MSRA: variants seen among roughly 807,000 people sequenced by gnomAD.
MSRA encodes the protein methionine sulfoxide reductase A, also known as mitochondrial peptide methionine sulfoxide reductase.
In MSRA, 54 loss-of-function variants were observed where a neutral mutation model predicts 31.3. That is an observed-to-expected ratio of 1.73 (90% CI 1.39 to 2.17). MSRA has a LOEUF of 2.17. Among genes scored for constraint, MSRA ranks in the 30% most tolerant of loss-of-function variants. The pLI, the probability that MSRA is intolerant of heterozygous loss-of-function variation, is 0.00. For missense variants in MSRA, 507 were observed against 300.9 expected, an observed-to-expected ratio of 1.69 and a Z score of -5.07; for synonymous variants, 169 against 116.5, an observed-to-expected ratio of 1.45 and a Z score of -2.90.
intron 5 of MSRA, chr8:10,353,498 C>T (rs570157707): frequency 1.7e-5 from 6 of 361,566 alleles, no homozygotes; most frequent in East Asian, 8.5e-5. Flanking sequence ...CCCGGAGGCC[C>T]GTGTATCTGT....
intron 1 of MSRA, among the ~76,000 whole-genome samples, chr8:10,138,996 C>A (rs936935725): frequency 6.6e-6 from 1 of 152,190 alleles, no homozygotes; most frequent in Non-Finnish European, 1.5e-5. Context: ...GAGTAGACCT[C>A]TGTGTTGGGT....
chr8:10,321,254 G>A (rs917073395), intron 5 of MSRA, among the ~76,000 whole-genome samples: 1 of 152,100 alleles, frequency 6.6e-6, no homozygotes, highest in African/African-American at 2.4e-5. Flanking sequence ...ATTTGCATTT[G>A]ACAGTAGAGC....
At chr8:10,360,396 T>C (rs1190157665) in intron 5 of MSRA, among the ~76,000 whole-genome samples, 1 of 152,222 alleles carries the variant, frequency 6.6e-6, no homozygotes, top group Non-Finnish European at 1.5e-5. Context: ...TTGGAGTTCT[T>C]GGGGATACCT....
intron 3 of MSRA, among the ~76,000 whole-genome samples, chr8:10,281,322 C>T (rs1191372783): frequency 3.9e-5 from 6 of 152,166 alleles, no homozygotes; most frequent in African/African-American, 7.2e-5. Context: ...TTTTCCCCAT[C>T]GTTGGAAATG....
At chr8:10,399,180 C>T (rs767165109) in intron 5 of MSRA, among the ~76,000 whole-genome samples, 3 of 152,174 alleles carry the variant, frequency 2.0e-5, no homozygotes, top group Non-Finnish European at 4.4e-5. Context: ...GTGCCAGGTA[C>T]GTGTTGGGTG....
intron 4 of MSRA, among the ~76,000 whole-genome samples, chr8:10,303,491 C>T (rs1379751061): frequency 6.6e-6 from 1 of 152,122 alleles, no homozygotes; most frequent in Non-Finnish European, 1.5e-5. Flanking sequence ...AAAAGATTTT[C>T]CAGATCTTCA....
intron 1 of MSRA, among the ~76,000 whole-genome samples, chr8:10,186,114 C>G (rs1304958408): frequency 6.6e-6 from 1 of 152,142 alleles, no homozygotes; most frequent in Non-Finnish European, 1.5e-5. Context: ...GCAAGGTGAG[C>G]CAGGTTGGCC....
chr8:10,089,555 A>T (rs528475654), intron 1 of MSRA, among the ~76,000 whole-genome samples: 1 of 152,354 alleles, frequency 6.6e-6, no homozygotes, highest in East Asian at 1.9e-4. Context: ...CACAGCGGGT[A>T]GACGAGAGGT....
At chr8:10,273,591 C>G (rs1180418535) in intron 3 of MSRA, among the ~76,000 whole-genome samples, 1 of 152,130 alleles carries the variant, frequency 6.6e-6, no homozygotes, top group Admixed American at 6.5e-5. Flanking sequence ...TCACAATTAT[C>G]AGTGATAGAA....
At chr8:10,309,375 G>C (rs762883959) in intron 4 of MSRA, among the ~76,000 whole-genome samples, 5 of 152,258 alleles carry the variant, frequency 3.3e-5, no homozygotes, top group Non-Finnish European at 7.3e-5. Flanking sequence ...TCTAATAGCT[G>C]TCGTGCTCAT....
At chr8:10,172,414 G>C (rs1805669611) in intron 1 of MSRA, among the ~76,000 whole-genome samples, 1 of 152,140 alleles carries the variant, frequency 6.6e-6, no homozygotes, top group Non-Finnish European at 1.5e-5. Context: ...AGCTTGAGCG[G>C]AAGAGTCCAG....
At chr8:10,061,166 C>T (rs1051768936) in intron 1 of MSRA, among the ~76,000 whole-genome samples, 4 of 152,118 alleles carry the variant, frequency 2.6e-5, no homozygotes, top group Non-Finnish European at 5.9e-5. Context: ...TCTTTTTCTC[C>T]ACTGTGTCCC....
At chr8:10,138,743 G>C (rs1358448920) in intron 1 of MSRA, among the ~76,000 whole-genome samples, 3 of 152,162 alleles carry the variant, frequency 2.0e-5, no homozygotes, top group Non-Finnish European at 2.9e-5. Flanking sequence ...AATTTTATCT[G>C]GGTAAAAGCC....
At chr8:10,204,723 G>A (rs1041432715) in intron 1 of MSRA, among the ~76,000 whole-genome samples, 1 of 152,186 alleles carries the variant, frequency 6.6e-6, no homozygotes, top group Non-Finnish European at 1.5e-5. Flanking sequence ...CTGTATATAT[G>A]TATTTTTAAT....
chr8:10,148,194 G>A (rs1457010919), intron 1 of MSRA, among the ~76,000 whole-genome samples: 1 of 152,192 alleles, frequency 6.6e-6, no homozygotes, highest in Non-Finnish European at 1.5e-5. Flanking sequence ...ACGCAAGGAT[G>A]GGTGGGATGA....
At position 10,213,627 on chromosome 8, in the gene MSRA, G is replaced by A. The variant is rs1318558609; in HGVS notation, c.211+5726G>A. Among the ~76,000 whole-genome samples the A allele has an allele frequency of 3.3e-5, 5 of 151,720 alleles. No individual in the cohort carries two copies. In the East Asian group the frequency reaches 7.7e-4, roughly 24 times the overall value. Reference sequence around the variant, plus strand: ...AATTTTCTGTCTTTTTAGTAGAGACGGGGTTTCACCATGTTAGCCAGGATG... The same window carrying A: ...AATTTTCTGTCTTTTTAGTAGAGACAGGGTTTCACCATGTTAGCCAGGATG... On this transcript the variant is annotated intron_variant, in intron 2 of 5. Coordinates refer to ENST00000317173, the MANE Select transcript of MSRA (RefSeq NM_012331.5).
chr8:10,278,844 C>T (rs1328027901), intron 3 of MSRA, among the ~76,000 whole-genome samples: 1 of 152,174 alleles, frequency 6.6e-6, no homozygotes, highest in Non-Finnish European at 1.5e-5. Context: ...CTCTACATTC[C>T]CGTCAGACTA....
chr8:10,312,950 A>G (rs1057046543), intron 4 of MSRA, among the ~76,000 whole-genome samples: 1 of 152,246 alleles, frequency 6.6e-6, no homozygotes, highest in Non-Finnish European at 1.5e-5. Context: ...TGATGCATTG[A>G]GAAACTACAG....
rs747280380 is a variant in MSRA at position 10,207,856 on chromosome 8, A to G, written c.166A>G (p.Arg56Gly). 1.1e-5 allele frequency: 17 copies of G among 1,612,510 alleles called. No individual in the cohort carries two copies. In the East Asian group the frequency reaches 3.6e-4, roughly 34 times the overall value. Residue 56 changes from arginine (R) to glycine (G), a missense_variant, in exon 2 of 6, where the codon AGA becomes GGA. Transcript: ENST00000317173. ...AGCCAAACATCATGTCAATGGCAACAGAACAGTCGAACCTTTCCCAGAGGG... is the reference window on the plus strand; with the variant it reads ...AGCCAAACATCATGTCAATGGCAACGGAACAGTCGAACCTTTCCCAGAGGG... ...VAAKHHVNGN[R>G]TVEPFPEGTQ...
Sources: allele counts gnomAD v4.1 joint callset (sites outside exome capture counted in the v4.1 genomes callset), GRCh38; gene constraint gnomAD v4.1.1; transcripts MANE v1.5; gene names NCBI Gene and HGNC (gene_info 2026-07-23, HGNC 2026-07-21).